Variants in PKP1 observed in about 807,000 individuals in gnomAD.
PKP1 encodes the protein plakophilin 1.
A neutral mutation model predicts 76.4 loss-of-function variants in PKP1; 27 were observed. That is an observed-to-expected ratio of 0.35 (90% CI 0.26 to 0.49). The LOEUF is 0.49. PKP1 is among the 20% of genes least tolerant of loss of function. PKP1 has a pLI of 0.99. For missense variants in PKP1, 964 were observed against 955.2 expected, an observed-to-expected ratio of 1.01 and a Z score of -0.12; for synonymous variants, 404 against 384.2, an observed-to-expected ratio of 1.05 and a Z score of -0.60.
Position 201,317,636 on chromosome 1 carries a change from A to G in PKP1, c.911A>G (p.Gln304Arg), listed in dbSNP as rs1416707756. 1 of 1,613,918 alleles carries G rather than the reference A, an allele frequency of 6.2e-7. No homozygotes were observed. Among genetic ancestry groups the G allele is most frequent in the Non-Finnish European group, 8.5e-7 (1 of 1,180,008 alleles). Residue 304 changes from glutamine to arginine, a missense_variant, in exon 5 of 14, where the codon CAG becomes CGG. Transcript: ENST00000367324. ...DLLRSPNQNV[Q>R]QAAAGALRNL... ...CTCCGCAGCCCCAACCAGAACGTCC[A>G]GCAGGCCGCGGCAGGGGCCCTGCGC... is the stretch of plus-strand genomic sequence containing the variant.
At chr1:201,309,561 G>C (rs1656472379) in intron 2 of PKP1, among the ~76,000 whole-genome samples, 1 of 152,174 alleles carries the variant, frequency 6.6e-6, no homozygotes, top group African/African-American at 2.4e-5. Context: ...CAGACAAGAG[G>C]TTGTGTGTGT....
At chr1:201,321,920 G>A (rs577210596) in intron 7 of PKP1, 58 bp from the exon 8 acceptor site, 52 of 1,603,912 alleles carry the variant, frequency 3.2e-5, no homozygotes, top group Non-Finnish European at 4.1e-5. Context: ...TAGGTGGTAG[G>A]CCAGGAGCCT....
At chr1:201,326,761 G>C (rs561843515) in intron 12 of PKP1, among the ~76,000 whole-genome samples, 1 of 152,222 alleles carries the variant, frequency 6.6e-6, no homozygotes, top group Admixed American at 6.5e-5. Flanking sequence ...TCAGGCAGGC[G>C]AAGCCATGAG....
chr1:201,293,336 C>T (rs1254742574), intron 1 of PKP1, among the ~76,000 whole-genome samples: 1 of 152,206 alleles, frequency 6.6e-6, no homozygotes, highest in African/African-American at 2.4e-5. Flanking sequence ...ATTTGTGGGT[C>T]TCCAAGCACT....
intron 12 of PKP1, chr1:201,328,522 T>G (rs901425361): frequency 6.9e-6 from 4 of 582,148 alleles, no homozygotes; most frequent in Non-Finnish European, 1.2e-5. Context: ...TTTCTGCAAA[T>G]GCAAGTAGGA....
At chr1:201,310,559 A>T (rs1387925472) in intron 2 of PKP1, among the ~76,000 whole-genome samples, 1 of 152,126 alleles carries the variant, frequency 6.6e-6, no homozygotes, top group African/African-American at 2.4e-5. Context: ...GTGCAGGGAG[A>T]GCTGGTGGCA....
Position 201,321,925 on chromosome 1 carries a change from G to A in PKP1, c.1348-53G>A, listed in dbSNP as rs1453250625. 3 of 1,607,626 alleles carry A rather than the reference G, an allele frequency of 1.9e-6. No individual in the cohort carries two copies. In the East Asian group the frequency reaches 6.7e-5, roughly 36 times the overall value. ...TTAGCTAGGGTAGGTGGTAGGCCAG[G>A]AGCCTGTCGGGCCGGGCAGAGGCTC... On this transcript the variant is annotated intron_variant, in intron 7 of 13. Transcript: ENST00000367324.
rs149556066 is a variant in PKP1 at position 201,312,112 on chromosome 1, C to A, written c.307-1054C>A. Among the ~76,000 whole-genome samples, 375 of 152,332 alleles carry A rather than the reference C, an allele frequency of 2.5e-3. 5 individuals carry two copies. Among genetic ancestry groups the A allele is most frequent in the Admixed American group, 0.021 (323 of 15,308 alleles). ...GCCCTCCCTGTACCCCACCTTGCAGCCCCAGGCCTGCCTCCATGTGTGCAC... is the reference window on the plus strand; with the variant it reads ...GCCCTCCCTGTACCCCACCTTGCAGACCCAGGCCTGCCTCCATGTGTGCAC... On this transcript the variant is annotated intron_variant, in intron 2 of 13. Coordinates refer to ENST00000367324, the MANE Select transcript of PKP1 (RefSeq NM_001005337.3).
chr1:201,307,725 T>TG, intron 2 of PKP1, among the ~76,000 whole-genome samples: 1 of 152,038 alleles, frequency 6.6e-6, no homozygotes, highest in East Asian at 1.9e-4. Context: ...GGGCACTGAG[T>TG]GGGGAGTGGC....
At chr1:201,328,129 A>T (rs1260056372) in intron 12 of PKP1, among the ~76,000 whole-genome samples, 1 of 152,106 alleles carries the variant, frequency 6.6e-6, no homozygotes, top group Admixed American at 6.5e-5. Context: ...ACCTTGGCCT[A>T]TTGCTGCATT....
Position 201,322,889 on chromosome 1 carries a change from G to A in PKP1, c.1504-124G>A, listed in dbSNP as rs115188989. ...TCCTGGGCCCCCTGCCTCTGCAGGC[G>A]CTTCCTCAGCTTGCCCTATCTGGAA... On this transcript the variant is annotated intron_variant, in intron 8 of 13. Transcript: ENST00000367324. The A allele has an allele frequency of 0.1, 99,245 of 964,532 alleles. 6,274 individuals are homozygous for A. The highest frequency in any genetic ancestry group is 0.22 in the African/African-American group (13,680 of 61,792). 59.7% of individuals were successfully genotyped at this position (964,532 alleles called of 1,614,324 possible).
chr1:201,323,802 G>A (rs1173334404), intron 9 of PKP1, among the ~76,000 whole-genome samples: 2 of 152,140 alleles, frequency 1.3e-5, no homozygotes, highest in Admixed American at 6.5e-5. Flanking sequence ...CTGGCTGTGA[G>A]GAGAGAGGCT....
chr1:201,305,837 G>A (rs549321886), intron 2 of PKP1, among the ~76,000 whole-genome samples: 1 of 152,258 alleles, frequency 6.6e-6, no homozygotes, highest in Admixed American at 6.5e-5. Flanking sequence ...ATATCAGAAC[G>A]GCCCCCTCAG....
chr1:201,301,153 C>G (rs562571102), intron 2 of PKP1, among the ~76,000 whole-genome samples: 9 of 152,170 alleles, frequency 5.9e-5, no homozygotes, highest in African/African-American at 2.2e-4. Flanking sequence ...CAGACTCCCA[C>G]CAGTCACTGT....
At chr1:201,293,150 C>G (rs1415585205) in intron 1 of PKP1, among the ~76,000 whole-genome samples, 1 of 152,184 alleles carries the variant, frequency 6.6e-6, no homozygotes. Flanking sequence ...GGACAGTGAA[C>G]AGACCAGCTT....
At chr1:201,317,502 T>A in intron 4 of PKP1, 70 bp from the exon 5 acceptor site, 1 of 1,364,260 alleles carries the variant, frequency 7.3e-7, no homozygotes, top group African/African-American at 1.4e-5. Flanking sequence ...AAAAATCACC[T>A]TTGAGTAGAG....
intron 2 of PKP1, among the ~76,000 whole-genome samples, chr1:201,304,026 C>T (rs1004267017): frequency 6.6e-6 from 1 of 152,250 alleles, no homozygotes; most frequent in African/African-American, 2.4e-5. Context: ...TCTCTGGACT[C>T]ACCAGGGTCT....
Position 201,328,867 on chromosome 1 carries a change from A to G in PKP1, c.*31A>G. 2 of 1,577,198 alleles carry G rather than the reference A, an allele frequency of 1.3e-6. No homozygotes were observed. Among genetic ancestry groups the G allele is most frequent in the Non-Finnish European group, 1.7e-6 (2 of 1,146,334 alleles). On this transcript the variant is annotated splice_region_variant and 3_prime_UTR_variant, in exon 13 of 14. Transcript: ENST00000367324. ...GACTGTCCAAGCAAGTTAGGCTTGC[A>G]GGTAAGAATCACCCCACCCTCAGGG...
intron 6 of PKP1, 96 bp downstream of exon 6, chr1:201,318,891 A>G (rs1397100172): frequency 9.7e-7 from 1 of 1,031,536 alleles, no homozygotes; most frequent in Non-Finnish European, 1.5e-6. Flanking sequence ...TGCATAGAAC[A>G]TAACAGACAA....
Sources: gnomAD v4.1 joint callset for allele counts (sites outside exome capture counted in the v4.1 genomes callset) on GRCh38, gnomAD v4.1.1 for gene constraint, MANE v1.5 for transcripts, NCBI Gene and HGNC (gene_info 2026-07-23, HGNC 2026-07-21) for gene names.